The following NCAPG variants were observed in gnomAD, a reference collection of about 807,000 sequenced individuals.
The protein encoded by NCAPG is non-SMC condensin I complex subunit G, also known as condensin complex subunit 3.
Under a neutral mutation model 113.1 loss-of-function variants are expected in NCAPG, and 69 were observed. The ratio of observed to expected loss-of-function variants is 0.61; its 90% CI spans 0.50 to 0.75. The LOEUF (loss-of-function observed/expected upper bound fraction) is 0.75, where lower values mean the gene tolerates loss of function less well. NCAPG is among the 30% of genes least tolerant of loss of function. The pLI, the probability that NCAPG is intolerant of heterozygous loss-of-function variation, is 0.00. For missense variants in NCAPG, 1,058 were observed against 1,177.0 expected (o/e 0.90, Z 1.48); for synonymous variants, 370 against 415.8 (o/e 0.89, Z 1.34).
At position 17,811,229 on chromosome 4, in the gene NCAPG, C is replaced by CTGAGGGAGGGTGGGCCGGGGCG; in HGVS notation, c.111+41_111+42insTGAGGGAGGGTGGGCCGGGGCG. On this transcript the variant is annotated intron_variant, in intron 1 of 20. Coordinates refer to ENST00000251496, the MANE Select transcript of NCAPG (RefSeq NM_022346.5). This position sits in a 1 kb window ranked among gnomAD's most constrained non-coding sequence, Gnocchi z 5.3. Reference sequence around the variant, plus strand: ...CCCGGCCGCCGCCTCTCGCCCGCCCCGGCCCACCCTCCCTCAGGGGCCCTC... The same window carrying CTGAGGGAGGGTGGGCCGGGGCG: ...CCCGGCCGCCGCCTCTCGCCCGCCCCTGAGGGAGGGTGGGCCGGGGCGGGCCCACCCTCCCTCAGGGGCCCTC... The CTGAGGGAGGGTGGGCCGGGGCG allele has an allele frequency of 7.6e-7, 1 of 1,312,234 alleles. No individual in the cohort carries two copies. Among genetic ancestry groups the CTGAGGGAGGGTGGGCCGGGGCG allele is most frequent in the Non-Finnish European group, 1.0e-6 (1 of 982,642 alleles). The allele number at this position is 1,312,234 out of a possible 1,614,324, so 81.3% of individuals were successfully genotyped here.
chr4:17,827,492 G>A (rs1156246152), intron 11 of NCAPG, among the ~76,000 whole-genome samples: 1 of 152,168 alleles, frequency 6.6e-6, no homozygotes, highest in Admixed American at 6.5e-5. Flanking sequence ...AACTTGAGAG[G>A]TATTTAGAAA....
chr4:17,821,421 C>T (rs1721450000), intron 7 of NCAPG, among the ~76,000 whole-genome samples: 2 of 149,650 alleles, frequency 1.3e-5, no homozygotes, highest in Admixed American at 6.6e-5. Context: ...ATACATTATA[C>T]CACAATTTCT....
rs1721947415 is a variant in NCAPG at position 17,833,319 on chromosome 4, C to T, written c.1885-980C>T. On this transcript the variant is annotated intron_variant, in intron 13 of 20. Coordinates refer to ENST00000251496, the MANE Select transcript of NCAPG (RefSeq NM_022346.5). ...ACTAAAAATACAAAAATTAACCAGG[C>T]GTGGTGGTATGTGCCTGTAATCCCA... Among the ~76,000 whole-genome samples the T allele has an allele frequency of 3.3e-5, 5 of 151,540 alleles. No individual in the cohort carries two copies. The South Asian group carries it at 8.4e-4, about 25-fold the overall frequency.
In NCAPG at chr4:17,811,478, G is replaced by T. The variant is rs1207471892; in HGVS notation, c.111+290G>T. ...GGCGTGGACCGTTATTCCTTAGTCC[G>T]ATCGTGAACGTGGAGAGAAACATTT... On this transcript the variant is annotated intron_variant, in intron 1 of 20. Transcript: ENST00000251496. The surrounding 1 kb of genome is among the most constrained non-coding windows in gnomAD (Gnocchi z 5.3). 2.0e-5 allele frequency among the ~76,000 whole-genome samples: 3 copies of T among 152,146 alleles called. No individual in the cohort carries two copies. Among genetic ancestry groups the T allele is most frequent in the Non-Finnish European group, 4.4e-5 (3 of 68,024 alleles).
At position 17,840,088 on chromosome 4, in the gene NCAPG, A is replaced by G. The variant is rs145218845; in HGVS notation, c.2646A>G (p.Thr882=). The change falls in exon 18 of 21, where the codon ACA becomes ACG. Residue 882 remains threonine, a synonymous_variant. Coordinates refer to ENST00000251496, the MANE Select transcript of NCAPG (RefSeq NM_022346.5). ...TTTTATAGCAAGTAAAAGATAGGAC[A>G]TGTCTGAGAGCTTTGGAGAAAATCA... ...NEILEQVKDR[T]CLRALEKIKI... 2.6e-5 allele frequency: 41 copies of G among 1,605,836 alleles called. No homozygotes were observed. In the African/African-American group the frequency reaches 4.3e-4, roughly 17 times the overall value.
intron 5 of NCAPG, among the ~76,000 whole-genome samples, chr4:17,816,951 G>A (rs1266247500): frequency 6.6e-6 from 1 of 152,004 alleles, no homozygotes; most frequent in Non-Finnish European, 1.5e-5. Context: ...TGGCCAACAT[G>A]GTGAAACAAA....
intron 9 of NCAPG, among the ~76,000 whole-genome samples, chr4:17,824,379 C>T (rs1308552048): frequency 1.3e-5 from 2 of 152,052 alleles, no homozygotes; most frequent in Non-Finnish European, 2.9e-5. Flanking sequence ...GGTTAATTCA[C>T]AGATCATCTC....
At position 17,837,285 on chromosome 4, in the gene NCAPG, G is replaced by A. The variant is rs890096224; in HGVS notation, c.2236G>A (p.Val746Ile). 2.5e-6 allele frequency: 4 copies of A among 1,613,868 alleles called. No individual in the cohort carries two copies. The African/African-American group carries it at 5.3e-5, about 22-fold the overall frequency. The stretch of plus-strand genomic sequence containing the variant: ...GTACAATCCTGTGACTGAAGAGGAT[G>A]TTCAACTTCGACATTGCCTAGGCGT... ...LWYNPVTEED[V>I]QLRHCLGVFF... is the part of the protein sequence containing the mutation. The change falls in exon 15 of 21, where the codon GTT (valine) becomes ATT (isoleucine). Residue 746 changes from valine (V) to isoleucine (I), a missense_variant. Transcript: ENST00000251496.
At chr4:17,836,393 CT>C (rs924958356) in intron 14 of NCAPG, among the ~76,000 whole-genome samples, 1 of 151,952 alleles carries the variant, frequency 6.6e-6, no homozygotes, top group African/African-American at 2.4e-5. Context: ...TACAGGTTGT[CT>C]TTTTACTTTC....
At chr4:17,836,489 CCTAT>C (rs1444430018) in intron 14 of NCAPG, among the ~76,000 whole-genome samples, 2 of 151,988 alleles carry the variant, frequency 1.3e-5, no homozygotes, top group African/African-American at 2.4e-5. Flanking sequence ...CTTTTGGTGT[CCTAT>C]CTAAGAATCC....
Position 17,815,364 on chromosome 4 carries a change from A to T in NCAPG, c.775+6A>T. 2.5e-6 allele frequency: 4 copies of T among 1,577,114 alleles called. No homozygotes were observed. The highest frequency in any genetic ancestry group is 3.4e-6 in the Non-Finnish European group (4 of 1,167,502). On this transcript the variant is annotated splice_donor_region_variant and intron_variant, in intron 5 of 20. Coordinates refer to ENST00000251496, the MANE Select transcript of NCAPG (RefSeq NM_022346.5). The stretch of plus-strand genomic sequence containing the variant: ...AGGTCTTAATGACAGATCAGGTAAG[A>T]TAAACAACTTTATATATACAAAACT...
chr4:17,844,083 GTAT>G lies in NCAPG; in HGVS notation c.*664_*666del, dbSNP rs1300843695. Reference sequence around the variant, plus strand: ...GGATTAGGGAGGTGTCAACATAAATGTATTATTAACCATGAAGCTGCTCGCTAT... The same window carrying G: ...GGATTAGGGAGGTGTCAACATAAATGTATTAACCATGAAGCTGCTCGCTAT... On this transcript the variant is annotated 3_prime_UTR_variant, in exon 21 of 21. Transcript: ENST00000251496. 1 of 151,876 alleles carries G rather than the reference GTAT, an allele frequency of 6.6e-6. No homozygotes were observed. Among genetic ancestry groups the G allele is most frequent in the East Asian group, 1.9e-4 (1 of 5,190 alleles). The allele number at this position is 151,876 out of a possible 1,614,324, so 9.4% of individuals were successfully genotyped here.
chr4:17,819,588 G>A (rs1437645576), intron 7 of NCAPG, among the ~76,000 whole-genome samples: 1 of 152,122 alleles, frequency 6.6e-6, no homozygotes, highest in Non-Finnish European at 1.5e-5. Context: ...TTTTAGTAGA[G>A]ATGGGGTTTC....
rs1722741407 is a variant in NCAPG at position 17,844,582 on chromosome 4, T to C, written c.*1157T>C. 6.6e-6 allele frequency: 1 copy of C among 152,426 alleles called. No individual in the cohort carries two copies. The highest frequency in any genetic ancestry group is 6.6e-5 in the Admixed American group (1 of 15,252). The allele number at this position is 152,426 out of a possible 1,614,324, so 9.4% of individuals were successfully genotyped here. ...AAAATGGTAATGATAGAAAGTCAGT[T>C]AAAAATAGATGATTGTTCTTCATTC... On this transcript the variant is annotated 3_prime_UTR_variant, in exon 21 of 21. Transcript: ENST00000251496.
At position 17,828,190 on chromosome 4, in the gene NCAPG, T is replaced by C. The variant is rs77308365; in HGVS notation, c.1654-88T>C. 558 of 750,954 alleles carry C rather than the reference T, an allele frequency of 7.4e-4. 3 individuals carry two copies. The African/African-American group carries it at 8.5e-3, about 11-fold the overall frequency. 46.5% of individuals were successfully genotyped at this position (750,954 alleles called of 1,614,324 possible). On this transcript the variant is annotated intron_variant, in intron 11 of 20. Transcript: ENST00000251496. ...CTACAGAGTCTATATAGAGTGACAG[T>C]ATGCCCTACACAAAGCCCTGAGAAA...
chr4:17,843,599 A>G lies in NCAPG; in HGVS notation c.*174A>G. ...AAGCAGTAGAGCAGCATCAGTTATT[A>G]TAGTCCAGAAAAAGTGTGCATCAGT... On this transcript the variant is annotated 3_prime_UTR_variant, in exon 21 of 21. Coordinates refer to ENST00000251496, the MANE Select transcript of NCAPG (RefSeq NM_022346.5). 1 of 571,548 alleles carries G rather than the reference A, an allele frequency of 1.7e-6. No individual in the cohort carries two copies. The highest frequency in any genetic ancestry group is 3.0e-6 in the Non-Finnish European group (1 of 335,426). 35.4% of individuals were successfully genotyped at this position (571,548 alleles called of 1,614,324 possible). A position where few individuals can be genotyped will look rare whatever the true frequency, so the allele number is the denominator to read the frequency against.
intron 18 of NCAPG, 51 bp downstream of exon 18, chr4:17,840,260 A>C: frequency 7.0e-7 from 1 of 1,433,924 alleles, no homozygotes; most frequent in Non-Finnish European, 9.2e-7. Context: ...TTTTTTTTCC[A>C]TCTTTACTGA....
At position 17,823,638 on chromosome 4, in the gene NCAPG, T is replaced by A; in HGVS notation, c.1260-9T>A. The A allele has an allele frequency of 6.2e-7, 1 of 1,603,090 alleles. No homozygotes were observed. Among genetic ancestry groups the A allele is most frequent in the Non-Finnish European group, 8.5e-7 (1 of 1,174,032 alleles). ...TAATAATATTTAAATTAGTTCTTTTTGACTGCAGAAAAAAACTGCTGGCTG... is the reference window on the plus strand; with the variant it reads ...TAATAATATTTAAATTAGTTCTTTTAGACTGCAGAAAAAAACTGCTGGCTG... On this transcript the variant is annotated splice_polypyrimidine_tract_variant and intron_variant, in intron 8 of 20. Transcript: ENST00000251496.
At chr4:17,826,555 T>C (rs1721665671) in intron 11 of NCAPG, among the ~76,000 whole-genome samples, 1 of 152,200 alleles carries the variant, frequency 6.6e-6, no homozygotes, top group Admixed American at 6.5e-5. Flanking sequence ...GAAAATATCA[T>C]CTGAAAAATG....
Sources: allele counts gnomAD v4.1 joint callset (sites outside exome capture counted in the v4.1 genomes callset), GRCh38; gene constraint gnomAD v4.1.1; non-coding constraint Gnocchi (gnomAD v3.1); transcripts MANE v1.5; gene names NCBI Gene and HGNC (gene_info 2026-07-23, HGNC 2026-07-21).